Variants in SOSTDC1 observed in about 807,000 individuals in gnomAD.
SOSTDC1 encodes the protein sclerostin domain containing 1, also known as sclerostin domain-containing protein 1.
Under a neutral mutation model 15.1 loss-of-function variants are expected in SOSTDC1, and 7 were observed. The observed-to-expected ratio is 0.46, with a 90% CI of 0.26 to 0.87. SOSTDC1 has a LOEUF of 0.87. Among genes scored for constraint, SOSTDC1 ranks in the 40% least tolerant of loss-of-function variants. SOSTDC1 has a pLI of 0.15. For synonymous variants in SOSTDC1, 94 were observed against 93.2 expected, an observed-to-expected ratio of 1.01 and a Z score of -0.05; for missense variants, 242 against 259.2, an observed-to-expected ratio of 0.93 and a Z score of 0.46.
intron 1 of SOSTDC1, chr7:16,464,282 G>C (rs1446817686): frequency 1.4e-6 from 2 of 1,453,496 alleles, no homozygotes. Flanking sequence ...GTTGGACAGT[G>C]TGCTCAGCGT....
chr7:16,464,467 TA>T, intron 1 of SOSTDC1: 1 of 979,814 alleles, frequency 1.0e-6, no homozygotes, highest in East Asian at 2.6e-5. Context: ...AGTAATCTAA[TA>T]ATAATCAGAT....
Position 16,465,613 on chromosome 7 carries a change from T to G in SOSTDC1, c.56A>C (p.Lys19Thr), listed in dbSNP as rs764764953. ...ATCATTTTTAAAAGCCAAACAGCTT[T>G]TCATTAGGATGCATGCAAGGGGAAG... ...YLLPLACILM[K>T]SCLAFKNDAT... The change falls in exon 1 of 2, where the codon AAA (lysine) becomes ACA (threonine). Residue 19 changes from lysine to threonine, a missense_variant. Coordinates refer to ENST00000307068, the MANE Select transcript of SOSTDC1 (RefSeq NM_015464.3). 1 of 1,614,126 alleles carries G rather than the reference T, an allele frequency of 6.2e-7. No homozygotes were observed. The highest frequency in any genetic ancestry group is 1.1e-5 in the South Asian group (1 of 91,078).
Position 16,462,847 on chromosome 7 carries a change from G to A in SOSTDC1, c.322C>T (p.Pro108Ser), listed in dbSNP as rs770171919. The A allele has an allele frequency of 3.7e-6, 6 of 1,614,156 alleles. No individual in the cohort carries two copies. In the Admixed American group the frequency reaches 5.0e-5, roughly 13 times the overall value. Residue 108 changes from proline (P) to serine (S), a missense_variant, in exon 2 of 2, where the codon CCA becomes TCA. Physicochemically the swap from Pro to Ser is moderately conservative, Grantham distance 74. Transcript: ENST00000307068. ...CCTCCAATCCAGTTAGGGAGCACTG[G>A]CAGGGGCAAGCACTCGCCAGCACAC... is the stretch of plus-strand genomic sequence containing the variant. ...LVCAGECLPL[P>S]VLPNWIGGGY...
chr7:16,464,660 C>CTCTCTT (rs1252960411), intron 1 of SOSTDC1, among the ~76,000 whole-genome samples: 1 of 152,034 alleles, frequency 6.6e-6, no homozygotes, highest in African/African-American at 2.4e-5. Flanking sequence ...GTTTCTCTCT[C>CTCTCTT]TCTCTCTCTC....
At chr7:16,464,676 T>TCTC (rs1469818188) in intron 1 of SOSTDC1, among the ~76,000 whole-genome samples, 1 of 132,606 alleles carries the variant, frequency 7.5e-6, no homozygotes, top group African/African-American at 3.2e-5. Flanking sequence ...CTCTCTCTCT[T>TCTC]AAAACCTGAT....
In SOSTDC1 at chr7:16,465,735, C is replaced by A. The variant is rs1413876718; in HGVS notation, c.-67G>T. ...TTTTGCTTCTGCTTCTGCACTGTAA[C>A]TGTGAAATTCCTCCTCAAGCTTCCC... On this transcript the variant is annotated 5_prime_UTR_variant, in exon 1 of 2. Coordinates refer to ENST00000307068, the MANE Select transcript of SOSTDC1 (RefSeq NM_015464.3). 2.1e-6 allele frequency: 3 copies of A among 1,408,304 alleles called. No individual in the cohort carries two copies. Among genetic ancestry groups the A allele is most frequent in the Non-Finnish European group, 3.0e-6 (3 of 1,005,044 alleles). 87.2% of individuals were successfully genotyped at this position (1,408,304 alleles called of 1,614,324 possible). A position where few individuals can be genotyped will look rare whatever the true frequency, so the allele number is the denominator to read the frequency against.
rs200976995 is a variant in SOSTDC1 at position 16,465,565 on chromosome 7, T to C, written c.104A>G (p.His35Arg). Residue 35 changes from histidine (H) to arginine (R), a missense_variant, in exon 1 of 2, where the codon CAT becomes CGT. His to Arg is a conservative substitution (Grantham distance 29). Coordinates refer to ENST00000307068, the MANE Select transcript of SOSTDC1 (RefSeq NM_015464.3). ...KNDATEILYS[H>R]VVKPVPAHPS... is the part of the protein sequence containing the mutation. ...GTGTGCTGGAACAGGTTTAACCACA[T>C]GTGAATAAAGGATTTCTGTGGCATC... 22 of 1,614,124 alleles carry C rather than the reference T, an allele frequency of 1.4e-5. No individual in the cohort carries two copies. In the Admixed American group the frequency reaches 3.0e-4, roughly 22 times the overall value.
intron 1 of SOSTDC1, chr7:16,464,206 G>C: frequency 1.3e-6 from 1 of 786,820 alleles, no homozygotes; most frequent in South Asian, 1.5e-5. Context: ...AAAAACTTAT[G>C]TATATAGACA....
At chr7:16,464,195 G>C in intron 1 of SOSTDC1, 3 of 744,454 alleles carry the variant, frequency 4.0e-6, no homozygotes, top group Non-Finnish European at 7.1e-6. Context: ...GATAGTTGTG[G>C]AAAAACTTAT....
chr7:16,462,761 G>A lies in SOSTDC1; in HGVS notation c.408C>T (p.Asp136=), dbSNP rs1781232797. 1.2e-6 allele frequency: 2 copies of A among 1,614,152 alleles called. No individual in the cohort carries two copies. Among genetic ancestry groups the A allele is most frequent in the African/African-American group, 1.3e-5 (1 of 75,026 alleles). The change falls in exon 2 of 2, where the codon GAC becomes GAT. Residue 136 remains aspartate (D), a synonymous_variant. Coordinates refer to ENST00000307068, the MANE Select transcript of SOSTDC1 (RefSeq NM_015464.3). ...GCTGGATTCTCTGGGTACGGGTTTTGTCATTGACACACCGCCACTCCTGGG... is the reference window on the plus strand; with the variant it reads ...GCTGGATTCTCTGGGTACGGGTTTTATCATTGACACACCGCCACTCCTGGG... ...RSSQEWRCVN[D]KTRTQRIQLQ...
Position 16,465,485 on chromosome 7 carries a change from T to TA in SOSTDC1, c.183dup (p.Asn62Ter). On this transcript the variant is annotated frameshift_variant, in exon 1 of 2. Coordinates refer to ENST00000307068, the MANE Select transcript of SOSTDC1 (RefSeq NM_015464.3). LOFTEE classifies it high-confidence loss of function. ...TTACTGTTCCGATCCAGTCCAGTGT[T>TA]ACTGAAATGCCTGCCTCCATTTCTG... is the stretch of plus-strand genomic sequence containing the variant. 6.2e-7 allele frequency: 1 copy of TA among 1,614,088 alleles called. No homozygotes were observed. The highest frequency in any genetic ancestry group is 8.5e-7 in the Non-Finnish European group (1 of 1,179,956).
At chr7:16,463,032 G>T (rs886762149) in intron 1 of SOSTDC1, 69 bp from the exon 2 acceptor site, 65 of 1,436,340 alleles carry the variant, frequency 4.5e-5, no homozygotes, top group Non-Finnish European at 5.9e-5. Flanking sequence ...AAAGTGATCT[G>T]CAATGACAAA....
intron 1 of SOSTDC1, among the ~76,000 whole-genome samples, chr7:16,463,333 A>G (rs886817217): frequency 6.6e-6 from 1 of 152,198 alleles, no homozygotes; most frequent in Non-Finnish European, 1.5e-5. Flanking sequence ...ATGAGTTAAG[A>G]GTATACTTTA....
At chr7:16,464,502 C>A in intron 1 of SOSTDC1, 1 of 693,032 alleles carries the variant, frequency 1.4e-6, no homozygotes. Flanking sequence ...TTAAAAGCAA[C>A]CAGCTTCGTG....
chr7:16,465,170 C>A (rs1455800349), intron 1 of SOSTDC1, among the ~76,000 whole-genome samples: 1 of 152,088 alleles, frequency 6.6e-6, no homozygotes, highest in Non-Finnish European at 1.5e-5. Context: ...TTAAAATGGT[C>A]ATTTTGCATG....
intron 1 of SOSTDC1, chr7:16,464,537 T>C: frequency 1.6e-6 from 1 of 627,662 alleles, no homozygotes; most frequent in South Asian, 2.0e-5. Context: ...CTAGCTTTCT[T>C]AGACATTAAC....
chr7:16,463,264 C>G (rs533461113), intron 1 of SOSTDC1, among the ~76,000 whole-genome samples: 24 of 152,256 alleles, frequency 1.6e-4, no homozygotes, highest in African/African-American at 5.8e-4. Context: ...TTTCCTTAGT[C>G]TGACTCTCCA....
Position 16,462,395 on chromosome 7 carries a change from G to T in SOSTDC1, c.*153C>A. 1.3e-6 allele frequency: 1 copy of T among 757,412 alleles called. No homozygotes were observed. The highest frequency in any genetic ancestry group is 1.9e-5 in the South Asian group (1 of 51,582). The allele number at this position is 757,412 out of a possible 1,614,324, so 46.9% of individuals were successfully genotyped here. ...AAAGGAAAAACTATTCCCAAAGAAG[G>T]TCCTGATACTTAAGACAGCTTGCTG... On this transcript the variant is annotated 3_prime_UTR_variant, in exon 2 of 2. Coordinates refer to ENST00000307068, the MANE Select transcript of SOSTDC1 (RefSeq NM_015464.3).
In SOSTDC1 at chr7:16,465,679, G is replaced by A; in HGVS notation, c.-11C>T. The A allele has an allele frequency of 6.2e-7, 1 of 1,611,644 alleles. No homozygotes were observed. ...GGCAGGAGGAAGCATGGTGAGTAGA[G>A]GATTTGCTTGACTGAAGAGCTGGTT... On this transcript the variant is annotated 5_prime_UTR_variant, in exon 1 of 2. Coordinates refer to ENST00000307068, the MANE Select transcript of SOSTDC1 (RefSeq NM_015464.3).
Sources: gnomAD v4.1 joint callset for allele counts (sites outside exome capture counted in the v4.1 genomes callset) on GRCh38, gnomAD v4.1.1 for gene constraint, MANE v1.5 for transcripts, NCBI Gene and HGNC (gene_info 2026-07-23, HGNC 2026-07-21) for gene names.